The following ANTXR1 variants were observed in gnomAD, a reference collection of about 807,000 sequenced individuals.
ANTXR1 encodes anthrax toxin receptor 1.
In ANTXR1, 19 loss-of-function variants were observed where a neutral mutation model predicts 78.1. The ratio of observed to expected loss-of-function variants is 0.24; its 90% CI spans 0.17 to 0.36. The LOEUF is 0.36. Among genes scored for constraint, ANTXR1 ranks in the 10% least tolerant of loss-of-function variants. The probability of loss-of-function intolerance (pLI) is 1.00; values close to 1 mark genes in which losing one functional copy is unlikely to be tolerated. For missense variants in ANTXR1, 518 were observed against 718.6 expected, an observed-to-expected ratio of 0.72 and a Z score of 3.19; for synonymous variants, 273 against 260.5, an observed-to-expected ratio of 1.05 and a Z score of -0.46.
intron 17 of ANTXR1, among the ~76,000 whole-genome samples, chr2:69,230,075 T>G (rs1675552527): frequency 6.6e-6 from 1 of 151,816 alleles, no homozygotes; most frequent in Non-Finnish European, 1.5e-5. Flanking sequence ...GTCTTGCCCC[T>G]TTGAAAGGTT....
intron 17 of ANTXR1, among the ~76,000 whole-genome samples, chr2:69,242,821 C>G (rs1675924993): frequency 6.6e-6 from 1 of 152,212 alleles, no homozygotes; most frequent in African/African-American, 2.4e-5. Context: ...TATCCAGAAT[C>G]ATAAATAAAC....
At chr2:69,119,177 G>C (rs1672258293) in intron 10 of ANTXR1, among the ~76,000 whole-genome samples, 1 of 152,208 alleles carries the variant, frequency 6.6e-6, no homozygotes, top group Non-Finnish European at 1.5e-5. Context: ...GGAGAGAGGA[G>C]TTGTCCAGAG....
intron 16 of ANTXR1, among the ~76,000 whole-genome samples, chr2:69,187,236 TC>T (rs1674440024): frequency 1.3e-5 from 2 of 151,678 alleles, no homozygotes; most frequent in African/African-American, 2.4e-5. Context: ...CAACCACACT[TC>T]CCCCCTTCCT....
chr2:69,241,249 G>T (rs934551668), intron 17 of ANTXR1, among the ~76,000 whole-genome samples: 5 of 152,148 alleles, frequency 3.3e-5, no homozygotes, highest in African/African-American at 1.2e-4. Context: ...AGATTTGCTG[G>T]CCTACATGAC....
intron 12 of ANTXR1, among the ~76,000 whole-genome samples, chr2:69,129,666 G>A (rs1342082138): frequency 2.6e-5 from 4 of 151,748 alleles, no homozygotes; most frequent in Non-Finnish European, 4.4e-5. Flanking sequence ...CAGGAGAATC[G>A]CTTGAACCTG....
At position 69,170,384 on chromosome 2, in the gene ANTXR1, C is replaced by A. The variant is rs1255075715; in HGVS notation, c.1089+95C>A. On this transcript the variant is annotated intron_variant, in intron 14 of 17. Coordinates refer to ENST00000303714, the MANE Select transcript of ANTXR1 (RefSeq NM_032208.3). Reference sequence around the variant, plus strand: ...GCTGGACACTTAGCCCCCTGCAGAGCAGAGCTAAGTCAAGCTCAAAGGATT... The same window carrying A: ...GCTGGACACTTAGCCCCCTGCAGAGAAGAGCTAAGTCAAGCTCAAAGGATT... 4 of 1,424,528 alleles carry A rather than the reference C, an allele frequency of 2.8e-6. No homozygotes were observed. In the Admixed American group the frequency reaches 5.1e-5, roughly 18 times the overall value. The allele number at this position is 1,424,528 out of a possible 1,614,324, so 88.2% of individuals were successfully genotyped here. A position where few individuals can be genotyped will look rare whatever the true frequency, so the allele number is the denominator to read the frequency against.
chr2:69,187,065 GCATTGCATTAGACC>G (rs1674434665), intron 16 of ANTXR1, among the ~76,000 whole-genome samples: 1 of 152,230 alleles, frequency 6.6e-6, no homozygotes, highest in South Asian at 2.1e-4. Flanking sequence ...TTACTGAATT[GCATTGCATTAGACC>G]CATTGCTTTA....
chr2:69,100,524 T>C (rs1161491588), intron 9 of ANTXR1, among the ~76,000 whole-genome samples: 1 of 152,200 alleles, frequency 6.6e-6, no homozygotes, highest in African/African-American at 2.4e-5. Flanking sequence ...GGCAGCCTCT[T>C]TTATAGAGGA....
chr2:69,123,510 A>G (rs563939418), intron 11 of ANTXR1, among the ~76,000 whole-genome samples: 128 of 152,278 alleles, frequency 8.4e-4, no homozygotes, highest in African/African-American at 2.8e-3. Context: ...TCTCCTCCTT[A>G]GAGAAAGGGA....
chr2:69,018,108 G>A (rs1407420726), intron 1 of ANTXR1, among the ~76,000 whole-genome samples: 1 of 152,086 alleles, frequency 6.6e-6, no homozygotes, highest in Non-Finnish European at 1.5e-5. Context: ...TGGAAGGCAG[G>A]AGTAAACGCT....
intron 2 of ANTXR1, among the ~76,000 whole-genome samples, chr2:69,042,308 C>A (rs1159321543): frequency 6.6e-6 from 1 of 152,154 alleles, no homozygotes; most frequent in Non-Finnish European, 1.5e-5. Flanking sequence ...CAGCAAATAA[C>A]CTCACCTCCT....
In ANTXR1 at chr2:69,161,235, A is replaced by T. The variant is rs558229312; in HGVS notation, c.1047+8971A>T. Among the ~76,000 whole-genome samples the T allele has an allele frequency of 2.0e-5, 3 of 152,312 alleles. No homozygotes were observed. In the South Asian group the frequency reaches 6.2e-4, roughly 32 times the overall value. On this transcript the variant is annotated intron_variant, in intron 13 of 17. Transcript: ENST00000303714. ...GGAGACCATGCACAGCCATTCTCTC[A>T]CATTACCATGTGAGTCCCTTAGGCC...
chr2:69,168,929 C>T (rs1257264555), intron 13 of ANTXR1, among the ~76,000 whole-genome samples: 1 of 152,248 alleles, frequency 6.6e-6, no homozygotes, highest in Admixed American at 6.5e-5. Context: ...ACCATACTTT[C>T]AGAGGACTGG....
chr2:69,220,243 C>A (rs563398656), intron 17 of ANTXR1, among the ~76,000 whole-genome samples: 22 of 152,136 alleles, frequency 1.4e-4, no homozygotes, highest in Admixed American at 2.6e-4. Flanking sequence ...GATTTTCCAC[C>A]TAGGGGAGGG....
chr2:69,116,993 C>A (rs1672165207), intron 10 of ANTXR1, among the ~76,000 whole-genome samples: 1 of 152,190 alleles, frequency 6.6e-6, no homozygotes, highest in African/African-American at 2.4e-5. Context: ...ATTACATTGT[C>A]CCAAGGTCTA....
At chr2:69,055,349 G>A (rs1670037155) in intron 3 of ANTXR1, among the ~76,000 whole-genome samples, 1 of 152,138 alleles carries the variant, frequency 6.6e-6, no homozygotes, top group Non-Finnish European at 1.5e-5. Context: ...TGTTTCTTTT[G>A]TGTAATAGTT....
At chr2:69,078,104 G>T (rs1032721713) in intron 8 of ANTXR1, among the ~76,000 whole-genome samples, 1 of 152,160 alleles carries the variant, frequency 6.6e-6, no homozygotes, top group African/African-American at 2.4e-5. Context: ...TCACACATAG[G>T]TGATTTTCTT....
intron 10 of ANTXR1, among the ~76,000 whole-genome samples, chr2:69,114,091 C>A (rs1223788323): frequency 6.6e-6 from 1 of 152,138 alleles, no homozygotes; most frequent in East Asian, 1.9e-4. Flanking sequence ...CCAAATGCCA[C>A]AGAATTATAT....
In ANTXR1 at chr2:69,152,158, T is replaced by C; in HGVS notation, c.952-11T>C. 6.2e-7 allele frequency: 1 copy of C among 1,613,784 alleles called. No homozygotes were observed. ...ATCCCGCTGCTGACCGCCTCTCTCT[T>C]GGCCCTGCAGTCTGACGGTTCCATC... On this transcript the variant is annotated splice_polypyrimidine_tract_variant and intron_variant, in intron 12 of 17. Coordinates refer to ENST00000303714, the MANE Select transcript of ANTXR1 (RefSeq NM_032208.3).
Sources: allele counts gnomAD v4.1 joint callset (sites outside exome capture counted in the v4.1 genomes callset), GRCh38; gene constraint gnomAD v4.1.1; transcripts MANE v1.5; gene names NCBI Gene and HGNC (gene_info 2026-07-23, HGNC 2026-07-21).